RHOU: variants seen among roughly 807,000 people sequenced by gnomAD.
RHOU encodes rho-related GTP-binding protein RhoU.
A neutral mutation model predicts 12.6 loss-of-function variants in RHOU; 8 were observed. That is an observed-to-expected ratio of 0.64 (90% CI 0.37 to 1.15). RHOU has a LOEUF of 1.15. Ranked by LOEUF, RHOU falls within the 50% of genes most tolerant of loss-of-function variation. RHOU has a pLI of 0.01. For missense variants in RHOU, 258 were observed against 347.0 expected (o/e 0.74, Z 2.04); for synonymous variants, 161 against 147.4 (o/e 1.09, Z -0.67).
the RHOU span, among the ~76,000 whole-genome samples, chr1:228,691,956 T>TTC: frequency 6.6e-6 from 1 of 152,232 alleles, no homozygotes; most frequent in Non-Finnish European, 1.5e-5. Context: ...TGATTAGACT[T>TTC]AGAGTATCCA....
At chr1:228,687,971 C>T in the RHOU span, 1 of 644,714 alleles carries the variant, frequency 1.6e-6, no homozygotes. Context: ...TCCTTCCTCC[C>T]TCCCTCCCTC....
At chr1:228,654,710 A>C in the RHOU span, among the ~76,000 whole-genome samples, 1 of 152,212 alleles carries the variant, frequency 6.6e-6, no homozygotes, top group East Asian at 1.9e-4. Flanking sequence ...GATCTAAGAA[A>C]TCCTTTAGTG....
the RHOU span, among the ~76,000 whole-genome samples, chr1:228,679,016 A>G: frequency 0.017 from 2,488 of 149,230 alleles, 22 homozygotes; most frequent in Middle Eastern, 0.044. Context: ...GTAATGAAAA[A>G]GGTTGGGATG....
the RHOU span, among the ~76,000 whole-genome samples, chr1:228,680,088 C>A: frequency 6.6e-6 from 1 of 152,110 alleles, no homozygotes; most frequent in African/African-American, 2.4e-5. Flanking sequence ...GAAACACACC[C>A]TTGAAAAGAA....
chr1:228,671,445 G>A, the RHOU span, among the ~76,000 whole-genome samples: 1 of 151,972 alleles, frequency 6.6e-6, no homozygotes, highest in Non-Finnish European at 1.5e-5. Flanking sequence ...GGCCGGGGGT[G>A]GTGGGTCATG....
the RHOU span, among the ~76,000 whole-genome samples, chr1:228,646,931 GT>G: frequency 1.2e-4 from 19 of 152,218 alleles, no homozygotes; most frequent in African/African-American, 3.6e-4. Flanking sequence ...AGGTGGAGAG[GT>G]AAAGAGAGAG....
chr1:228,708,203 G>C, the RHOU span, among the ~76,000 whole-genome samples: 1 of 152,144 alleles, frequency 6.6e-6, no homozygotes, highest in Non-Finnish European at 1.5e-5. Flanking sequence ...GAAAGTGACG[G>C]GGAGAATGGA....
chr1:228,650,474 G>GCT, the RHOU span: 1 of 456,394 alleles, frequency 2.2e-6, no homozygotes, highest in Non-Finnish European at 4.4e-6. Context: ...CTGCAGGAGG[G>GCT]CAGCATCCTG....
the RHOU span, among the ~76,000 whole-genome samples, chr1:228,676,474 T>C: frequency 6.6e-6 from 1 of 152,122 alleles, no homozygotes; most frequent in African/African-American, 2.4e-5. Flanking sequence ...GCCTGGTCAA[T>C]ATGGTGAGTC....
chr1:228,680,010 AG>A, the RHOU span, among the ~76,000 whole-genome samples: 1 of 152,206 alleles, frequency 6.6e-6, no homozygotes, highest in Non-Finnish European at 1.5e-5. Context: ...AGTTGGCACC[AG>A]AGTTGGGGAG....
chr1:228,730,407 G>A, the RHOU span, among the ~76,000 whole-genome samples: 1 of 152,174 alleles, frequency 6.6e-6, no homozygotes, highest in Non-Finnish European at 1.5e-5. Flanking sequence ...CTCTGGGTCA[G>A]CAGAGCCAGC....
chr1:228,707,235 G>GTATA, the RHOU span, among the ~76,000 whole-genome samples: 4 of 76,742 alleles, frequency 5.2e-5, no homozygotes, highest in South Asian at 9.4e-4. Flanking sequence ...ATATACATAT[G>GTATA]TATATATATA....
At chr1:228,707,591 G>A in the RHOU span, among the ~76,000 whole-genome samples, 1 of 151,958 alleles carries the variant, frequency 6.6e-6, no homozygotes, top group Non-Finnish European at 1.5e-5. Flanking sequence ...ACCTGCAGCT[G>A]AGGGTCTTGT....
chr1:228,726,540 C>T, the RHOU span, among the ~76,000 whole-genome samples: 1 of 151,984 alleles, frequency 6.6e-6, no homozygotes, highest in African/African-American at 2.4e-5. Flanking sequence ...TGGCACGCGC[C>T]TGTAATCGCA....
the RHOU span, among the ~76,000 whole-genome samples, chr1:228,660,874 G>A: frequency 4.0e-5 from 6 of 150,948 alleles, no homozygotes; most frequent in East Asian, 9.8e-4. Context: ...CAGAGGTTGC[G>A]GTGAGCTGAT....
the RHOU span, among the ~76,000 whole-genome samples, chr1:228,693,422 C>A: frequency 6.6e-6 from 1 of 152,126 alleles, no homozygotes. Context: ...AGGAAAAAGA[C>A]ATTGACACCC....
At chr1:228,707,237 A>ATATACATATG in the RHOU span, among the ~76,000 whole-genome samples, 4 of 36,478 alleles carry the variant, frequency 1.1e-4, no homozygotes, top group Admixed American at 9.8e-4. Flanking sequence ...ATACATATGT[A>ATATACATATG]TATATATATA....
At chr1:228,669,208 C>T in the RHOU span, among the ~76,000 whole-genome samples, 8 of 152,230 alleles carry the variant, frequency 5.3e-5, no homozygotes, top group Non-Finnish European at 4.4e-5. Context: ...CAACCCCTGG[C>T]TGTTCCTGCT....
At chr1:228,718,047 T>A in the RHOU span, among the ~76,000 whole-genome samples, 1 of 152,204 alleles carries the variant, frequency 6.6e-6, no homozygotes, top group Non-Finnish European at 1.5e-5. Flanking sequence ...TAAAGATAGA[T>A]AACTCAGTAT....
Sources: gnomAD v4.1 joint callset for allele counts (sites outside exome capture counted in the v4.1 genomes callset) on GRCh38, gnomAD v4.1.1 for gene constraint, MANE v1.5 for transcripts, NCBI Gene and HGNC (gene_info 2026-07-23, HGNC 2026-07-21) for gene names.